The following GPC5 variants were observed in gnomAD, a reference collection of about 807,000 sequenced individuals.
GPC5 encodes the protein glypican-5.
In GPC5, 47 loss-of-function variants were observed where a neutral mutation model predicts 53.9. The observed-to-expected ratio is 0.87, with a 90% CI of 0.69 to 1.11. GPC5 has a LOEUF of 1.11. Ranked by LOEUF, GPC5 falls within the 50% of genes most tolerant of loss-of-function variation. The pLI, the probability that GPC5 is intolerant of heterozygous loss-of-function variation, is 0.00. For synonymous variants in GPC5, 286 were observed against 263.3 expected (o/e 1.09, Z -0.84); for missense variants, 748 against 713.1 (o/e 1.05, Z -0.56).
intron 2 of GPC5, among the ~76,000 whole-genome samples, chr13:91,660,326 C>A (rs545483882): frequency 6.6e-6 from 1 of 152,242 alleles, no homozygotes; most frequent in East Asian, 1.9e-4. Context: ...ATGGTCTGCC[C>A]ATTGTCTAAA....
intron 7 of GPC5, among the ~76,000 whole-genome samples, chr13:92,676,333 G>C (rs1181956754): frequency 2.6e-5 from 4 of 152,066 alleles, no homozygotes; most frequent in African/African-American, 9.7e-5. Flanking sequence ...AGATATTTGG[G>C]AATGTACTAC....
intron 7 of GPC5, among the ~76,000 whole-genome samples, chr13:92,262,274 C>T (rs2042772734): frequency 6.6e-6 from 1 of 152,106 alleles, no homozygotes; most frequent in African/African-American, 2.4e-5. Flanking sequence ...AGTGGAGATG[C>T]TATGCAGTGA....
At chr13:91,966,339 A>G (rs1249907807) in intron 6 of GPC5, among the ~76,000 whole-genome samples, 1 of 152,202 alleles carries the variant, frequency 6.6e-6, no homozygotes, top group Non-Finnish European at 1.5e-5. Context: ...AAATGGTCAG[A>G]AAAGAGATTC....
At position 91,767,955 on chromosome 13, in the gene GPC5, G is replaced by T. The variant is rs115173944; in HGVS notation, c.1280+11535G>T. On this transcript the variant is annotated intron_variant, in intron 5 of 7. Transcript: ENST00000377067. ...CTCCAGGATGCCTGTTCTTACTTTA[G>T]CCAGAGCAGTTTCTTATTCATCCTT... Among the ~76,000 whole-genome samples, 939 of 152,204 alleles carry T rather than the reference G, an allele frequency of 6.2e-3. 14 individuals carry two copies. The highest frequency in any genetic ancestry group is 0.02 in the African/African-American group (837 of 41,528).
chr13:91,611,441 C>G (rs1159601369), intron 2 of GPC5, among the ~76,000 whole-genome samples: 1 of 152,184 alleles, frequency 6.6e-6, no homozygotes, highest in Non-Finnish European at 1.5e-5. Flanking sequence ...TTTCTCACCT[C>G]CAGACCCAGT....
chr13:92,684,254 C>CTTTTTTA (rs939078265), intron 7 of GPC5, among the ~76,000 whole-genome samples: 5 of 151,728 alleles, frequency 3.3e-5, no homozygotes, highest in African/African-American at 1.2e-4. Context: ...CTTTCTTTCT[C>CTTTTTTA]TTTTTTATTT....
At position 92,549,428 on chromosome 13, in the gene GPC5, T is replaced by C. The variant is rs376341299; in HGVS notation, c.1562-316854T>C. ...ATAATTCACATTCAAGCAAAACAAATTGGGGCCTACCTCTTTGCAAGCTGT... is the reference window on the plus strand; with the variant it reads ...ATAATTCACATTCAAGCAAAACAAACTGGGGCCTACCTCTTTGCAAGCTGT... On this transcript the variant is annotated intron_variant, in intron 7 of 7. Coordinates refer to ENST00000377067, the MANE Select transcript of GPC5 (RefSeq NM_004466.6). Among the ~76,000 whole-genome samples the C allele has an allele frequency of 3.2e-4, 48 of 152,182 alleles. No individual in the cohort carries two copies. The East Asian group carries it at 7.5e-3, about 24-fold the overall frequency.
chr13:92,663,156 C>T (rs1417038074), intron 7 of GPC5, among the ~76,000 whole-genome samples: 1 of 152,082 alleles, frequency 6.6e-6, no homozygotes, highest in Non-Finnish European at 1.5e-5. Context: ...GGAAGTCAGA[C>T]TGGAAAGTCT....
intron 7 of GPC5, among the ~76,000 whole-genome samples, chr13:92,823,418 T>G (rs1287226953): frequency 1.3e-5 from 2 of 152,062 alleles, no homozygotes; most frequent in Non-Finnish European, 1.5e-5. Context: ...ATAATATAAT[T>G]TAATGAAAGT....
At chr13:92,200,340 C>G in intron 7 of GPC5, among the ~76,000 whole-genome samples, 1 of 152,264 alleles carries the variant, frequency 6.6e-6, no homozygotes, top group East Asian at 1.9e-4. Flanking sequence ...AAAACAATTA[C>G]GGCTGTATTA....
chr13:92,357,847 C>A (rs1176681134), intron 7 of GPC5, among the ~76,000 whole-genome samples: 1 of 149,172 alleles, frequency 6.7e-6, no homozygotes, highest in African/African-American at 2.5e-5. Context: ...TCCTCCAGCA[C>A]TGGGGATTAC....
chr13:92,806,087 A>G (rs1224063470), intron 7 of GPC5, among the ~76,000 whole-genome samples: 1 of 152,070 alleles, frequency 6.6e-6, no homozygotes, highest in African/African-American at 2.4e-5. Flanking sequence ...TTGAAAATCT[A>G]TTGTTTATTT....
At chr13:92,492,164 G>C (rs1181462609) in intron 7 of GPC5, among the ~76,000 whole-genome samples, 2 of 152,102 alleles carry the variant, frequency 1.3e-5, no homozygotes, top group Admixed American at 1.3e-4. Context: ...AAAGCATTTT[G>C]TGTGTGTATA....
chr13:92,808,145 TAAACA>T (rs75767943), intron 7 of GPC5, among the ~76,000 whole-genome samples: 6,708 of 151,972 alleles, frequency 0.044, 471 homozygotes, highest in East Asian at 0.33. Flanking sequence ...AAAGGAAAAA[TAAACA>T]AAACATTTCT....
At chr13:91,828,497 C>T (rs1230819034) in intron 5 of GPC5, among the ~76,000 whole-genome samples, 1 of 152,044 alleles carries the variant, frequency 6.6e-6, no homozygotes, top group African/African-American at 2.4e-5. Context: ...TCATGACTAT[C>T]TCGCAGATCC....
chr13:91,846,871 T>C (rs1292627349), intron 5 of GPC5, among the ~76,000 whole-genome samples: 1 of 151,828 alleles, frequency 6.6e-6, no homozygotes, highest in South Asian at 2.1e-4. Context: ...AAAAATTAGA[T>C]TGTTGGAGTG....
At chr13:92,766,248 G>A (rs1207888799) in intron 7 of GPC5, among the ~76,000 whole-genome samples, 2 of 152,052 alleles carry the variant, frequency 1.3e-5, no homozygotes, top group Admixed American at 6.6e-5. Flanking sequence ...AACTCAAATT[G>A]CAAAATCCTG....
At chr13:91,748,127 A>G (rs548104670) in intron 4 of GPC5, among the ~76,000 whole-genome samples, 2 of 152,360 alleles carry the variant, frequency 1.3e-5, no homozygotes, top group Admixed American at 6.5e-5. Context: ...GTTTGAACAG[A>G]TGATCTCTAA....
rs562449527 is a variant in GPC5, at chr13:92,428,493, A to G, written c.1561+283504A>G. Among the ~76,000 whole-genome samples, 4 of 152,028 alleles carry G rather than the reference A, an allele frequency of 2.6e-5. No homozygotes were observed. In the South Asian group the frequency reaches 8.3e-4, roughly 32 times the overall value. On this transcript the variant is annotated intron_variant, in intron 7 of 7. Transcript: ENST00000377067. ...GTACTGTTACACTAACAGTTCTCTT[A>G]CTGGTTTATTTTCTGCAAGTATCTA...
Sources: allele counts gnomAD v4.1 joint callset (sites outside exome capture counted in the v4.1 genomes callset), GRCh38; gene constraint gnomAD v4.1.1; transcripts MANE v1.5; gene names NCBI Gene and HGNC (gene_info 2026-07-23, HGNC 2026-07-21).